Variants in TRPM1 observed in about 807,000 individuals in gnomAD.
TRPM1 encodes the protein TRPM1-203 APA Isoform, Intron 10.
Under a neutral mutation model 149.4 loss-of-function variants are expected in TRPM1, and 113 were observed. The observed-to-expected ratio is 0.76, with a 90% CI of 0.65 to 0.88. The LOEUF (loss-of-function observed/expected upper bound fraction) is 0.88, where lower values mean the gene tolerates loss of function less well. Ranked by LOEUF, TRPM1 falls within the 40% of genes least tolerant of loss-of-function variation. TRPM1 has a pLI of 0.00. For missense variants in TRPM1, 1,976 were observed against 2,038.7 expected (o/e 0.97, Z 0.59); for synonymous variants, 741 against 759.5 (o/e 0.98, Z 0.40).
At chr15:31,003,104 G>A in intron 27 of TRPM1, 34 bp from the exon 28 acceptor site, 1 of 1,551,958 alleles carries the variant, frequency 6.4e-7, no homozygotes, top group Non-Finnish European at 8.8e-7. Context: ...TTATTAAACT[G>A]AGATTAAGTG....
chr15:31,055,208 G>C (rs2034050812), intron 11 of TRPM1, among the ~76,000 whole-genome samples: 1 of 152,156 alleles, frequency 6.6e-6, no homozygotes, highest in African/African-American at 2.4e-5. Context: ...ATATCCCACT[G>C]TAGGGAGACA....
chr15:31,115,466 T>A (rs1359275591), intron 1 of TRPM1, among the ~76,000 whole-genome samples: 1 of 152,138 alleles, frequency 6.6e-6, no homozygotes, highest in African/African-American at 2.4e-5. Flanking sequence ...GAAATAGAAT[T>A]ATAGCTTCTA....
intron 1 of TRPM1, among the ~76,000 whole-genome samples, chr15:31,113,851 G>A (rs71474645): frequency 0.031 from 4,754 of 152,106 alleles, 256 homozygotes; most frequent in African/African-American, 0.11. Flanking sequence ...AAACAACGAC[G>A]CTCCCACACG....
At chr15:31,149,524 C>T (rs968995396) in intron 1 of TRPM1, among the ~76,000 whole-genome samples, 93 of 128,834 alleles carry the variant, frequency 7.2e-4, no homozygotes, top group African/African-American at 2.6e-3. Flanking sequence ...ATCTCTCTCT[C>T]TCTTTTTTTT....
At chr15:31,080,446 G>C (rs551814167) in intron 2 of TRPM1, among the ~76,000 whole-genome samples, 22 of 152,262 alleles carry the variant, frequency 1.4e-4, no homozygotes, top group African/African-American at 5.1e-4. Flanking sequence ...TACATCATCT[G>C]AACCTGATCT....
intron 1 of TRPM1, among the ~76,000 whole-genome samples, chr15:31,129,983 C>T (rs1186058911): frequency 1.3e-5 from 2 of 152,234 alleles, no homozygotes; most frequent in African/African-American, 2.4e-5. Context: ...GCATCCACTT[C>T]CTCCATGTCC....
intron 22 of TRPM1, 86 bp downstream of exon 22, chr15:31,032,603 T>C: frequency 2.0e-6 from 3 of 1,537,962 alleles, no homozygotes; most frequent in East Asian, 4.5e-5. Context: ...CCAAATGAAA[T>C]TGAAGGAAGC....
rs753394235 is a variant in TRPM1 at position 31,069,706 on chromosome 15, T to C, written c.279+325A>G. Reference sequence around the variant, plus strand: ...TCTAAGGGGGCTGCAGGTCCACAGTTATTAGAAAAATGAATTTGTCTTCCT... The same window carrying C: ...TCTAAGGGGGCTGCAGGTCCACAGTCATTAGAAAAATGAATTTGTCTTCCT... On this transcript the variant is annotated intron_variant, in intron 4 of 27. Coordinates refer to ENST00000256552, the MANE Select transcript of TRPM1 (RefSeq NM_001252024.2). 9.1e-5 allele frequency: 129 copies of C among 1,424,034 alleles called. 1 individual carries two copies. Among genetic ancestry groups the C allele is most frequent in the Non-Finnish European group, 1.1e-4 (123 of 1,096,006 alleles). The allele number at this position is 1,424,034 out of a possible 1,614,324, so 88.2% of individuals were successfully genotyped here.
At chr15:31,107,612 G>T (rs1007506241) in intron 1 of TRPM1, among the ~76,000 whole-genome samples, 1 of 151,526 alleles carries the variant, frequency 6.6e-6, no homozygotes, top group South Asian at 2.1e-4. Flanking sequence ...GATTTAGTTT[G>T]CTTGTCTTTT....
chr15:31,050,661 A>G, intron 11 of TRPM1, 79 bp from the exon 12 acceptor site: 1 of 1,501,464 alleles, frequency 6.7e-7, no homozygotes, highest in Non-Finnish European at 9.2e-7. Flanking sequence ...TGACCCTCCC[A>G]CCTCTGTATG....
At chr15:31,058,205 T>A (rs764168101) in intron 11 of TRPM1, among the ~76,000 whole-genome samples, 5 of 151,478 alleles carry the variant, frequency 3.3e-5, no homozygotes, top group Non-Finnish European at 5.9e-5. Context: ...AAAGAATAGA[T>A]ACAGCAATGA....
chr15:31,116,629 A>ATAAG (rs2035801237), intron 1 of TRPM1, among the ~76,000 whole-genome samples: 2 of 146,020 alleles, frequency 1.4e-5, no homozygotes, highest in Admixed American at 6.6e-5. Context: ...AAATAAATAA[A>ATAAG]TAAATAAAGT....
In TRPM1 at chr15:31,038,137, G is replaced by A. The variant is rs780311326; in HGVS notation, c.2346C>T (p.Thr782=). Residue 782 remains threonine, a synonymous_variant, in exon 19 of 28, where the codon ACC becomes ACT. Coordinates refer to ENST00000256552, the MANE Select transcript of TRPM1 (RefSeq NM_001252024.2). ...ATGTGCGAAATTCCAAAAACAAGAT[G>A]GTGGGGGGTAGAAGAATCCCCATGA... ...KVIMGILLPP[T]ILFLEFRTYD... is the part of the protein sequence containing the mutation. The A allele has an allele frequency of 1.2e-5, 19 of 1,613,944 alleles. No homozygotes were observed. Among genetic ancestry groups the A allele is most frequent in the Middle Eastern group, 1.6e-4 (1 of 6,084 alleles).
At chr15:31,152,299 G>C (rs929268953) in intron 1 of TRPM1, among the ~76,000 whole-genome samples, 1 of 152,204 alleles carries the variant, frequency 6.6e-6, no homozygotes, top group African/African-American at 2.4e-5. Context: ...CAGCTTGGAG[G>C]CTGGTGAATC....
chr15:31,079,131 CAG>C (rs1338260577), intron 2 of TRPM1, among the ~76,000 whole-genome samples: 1 of 152,158 alleles, frequency 6.6e-6, no homozygotes, highest in African/African-American at 2.4e-5. Context: ...GGTATAAAAA[CAG>C]ATATAAATGT....
intron 1 of TRPM1, among the ~76,000 whole-genome samples, chr15:31,089,527 T>G (rs950980180): frequency 6.6e-6 from 1 of 152,182 alleles, no homozygotes; most frequent in Non-Finnish European, 1.5e-5. Flanking sequence ...AATAGCACAT[T>G]CCCGGGCAGC....
chr15:31,052,257 C>T (rs993507602), intron 11 of TRPM1, among the ~76,000 whole-genome samples: 1 of 152,076 alleles, frequency 6.6e-6, no homozygotes, highest in Admixed American at 6.6e-5. Flanking sequence ...TTATATAGTT[C>T]CTGGTCAACA....
chr15:31,066,699 C>T (rs2034386559), intron 6 of TRPM1, among the ~76,000 whole-genome samples: 1 of 152,172 alleles, frequency 6.6e-6, no homozygotes, highest in Admixed American at 6.5e-5. Flanking sequence ...AGCCAATCCC[C>T]AAAGGTTACA....
In TRPM1 at chr15:31,101,482, CTGCACCTGCTCTTACT is replaced by C. The variant is rs569525237; in HGVS notation, c.-84+159_-84+174del. On this transcript the variant is annotated intron_variant, in intron 1 of 27. Transcript: ENST00000256552. ...CCCCAGAAAGCACACCTGAGCTTGC[CTGCACCTGCTCTTACT>C]TGCACCTGAGCCTACCTGCACCTGA... Among the ~76,000 whole-genome samples the C allele has an allele frequency of 1.1e-3, 167 of 152,344 alleles. 1 individual carries two copies. The highest frequency in any genetic ancestry group is 1.8e-3 in the Non-Finnish European group (125 of 68,036).
Sources: gnomAD v4.1 joint callset for allele counts (sites outside exome capture counted in the v4.1 genomes callset) on GRCh38, gnomAD v4.1.1 for gene constraint, MANE v1.5 for transcripts, NCBI Gene and HGNC (gene_info 2026-07-23, HGNC 2026-07-21) for gene names.